Variants in STAB2 observed in about 807,000 individuals in gnomAD.
STAB2 encodes stabilin 2.
In STAB2, 288 loss-of-function variants were observed where a neutral mutation model predicts 338.1. The observed-to-expected ratio is 0.85, with a 90% CI of 0.77 to 0.94. The LOEUF (loss-of-function observed/expected upper bound fraction) is 0.94. STAB2 is among the 40% of genes least tolerant of loss of function. The probability of loss-of-function intolerance (pLI) is 0.00; values close to 1 mark genes in which losing one functional copy is unlikely to be tolerated. For missense variants in STAB2, 3,141 were observed against 3,210.1 expected (o/e 0.98, Z 0.52); for synonymous variants, 1,202 against 1,193.3 (o/e 1.01, Z -0.15).
intron 9 of STAB2, among the ~76,000 whole-genome samples, chr12:103,642,864 C>T (rs761035574): frequency 1.3e-5 from 2 of 152,176 alleles, no homozygotes; most frequent in Non-Finnish European, 2.9e-5. Flanking sequence ...GAGGATATGG[C>T]CAAAAGTGGC....
Position 103,631,679 on chromosome 12 carries a change from C to T in STAB2, c.569C>T (p.Pro190Leu). The change falls in exon 6 of 69, where the codon CCC becomes CTC. Residue 190 changes from proline to leucine, a missense_variant. Coordinates refer to ENST00000388887, the MANE Select transcript of STAB2 (RefSeq NM_017564.10). ...TCECYSAYTGPKCDKPIPECA... is the reference protein window; with the variant it reads ...TCECYSAYTGLKCDKPIPECA... ...GAGTGCTACTCTGCGTACACTGGCC[C>T]CAAGTGTGACAAGCGTAAGTACTGC... 6.2e-7 allele frequency: 1 copy of T among 1,614,098 alleles called. No homozygotes were observed.
chr12:103,602,631 T>C (rs184448501), intron 3 of STAB2, among the ~76,000 whole-genome samples: 52 of 152,362 alleles, frequency 3.4e-4, no homozygotes, highest in Non-Finnish European at 7.1e-4. Context: ...TTGCTAGCAA[T>C]TGCTATAATC....
Position 103,637,168 on chromosome 12 carries a change from C to T in STAB2, c.641C>T (p.Thr214Ile). The stretch of plus-strand genomic sequence containing the variant: ...GAAAATTCCAGATGTTCGCCTTCCA[C>T]TGAAGATGAAAACAAACTGGAATGC... ...CPENSRCSPS[T>I]EDENKLECKC... is the part of the protein sequence containing the mutation. The change falls in exon 7 of 69, where the codon ACT becomes ATT. Residue 214 changes from threonine to isoleucine, a missense_variant. Coordinates refer to ENST00000388887, the MANE Select transcript of STAB2 (RefSeq NM_017564.10). 1 of 1,612,910 alleles carries T rather than the reference C, an allele frequency of 6.2e-7. No homozygotes were observed. The highest frequency in any genetic ancestry group is 1.1e-5 in the South Asian group (1 of 90,788).
intron 5 of STAB2, among the ~76,000 whole-genome samples, chr12:103,625,832 T>G (rs1371219817): frequency 6.6e-6 from 1 of 152,210 alleles, no homozygotes; most frequent in Non-Finnish European, 1.5e-5. Context: ...TGTGCATGTG[T>G]CTTTATAGCA....
intron 3 of STAB2, among the ~76,000 whole-genome samples, chr12:103,605,642 A>T (rs1957016869): frequency 6.6e-6 from 1 of 151,886 alleles, no homozygotes; most frequent in African/African-American, 2.4e-5. Flanking sequence ...TACTTTGAAA[A>T]TCTCTTATTA....
chr12:103,664,180 G>C (rs1426485159), intron 18 of STAB2, among the ~76,000 whole-genome samples: 1 of 151,300 alleles, frequency 6.6e-6, no homozygotes, highest in African/African-American at 2.4e-5. Flanking sequence ...GTCTCGCTCT[G>C]TTGCCCAGGC....
intron 3 of STAB2, among the ~76,000 whole-genome samples, chr12:103,618,449 A>G (rs1051928227): frequency 3.9e-5 from 6 of 152,194 alleles, no homozygotes; most frequent in African/African-American, 1.4e-4. Flanking sequence ...CACCCAGTCT[A>G]AGACATTTTG....
intron 45 of STAB2, 103 bp from the exon 46 acceptor site, chr12:103,726,013 G>C: frequency 7.5e-7 from 1 of 1,324,806 alleles, no homozygotes; most frequent in Non-Finnish European, 1.1e-6. Context: ...CGGTGTTACA[G>C]ATTTCCAGCT....
intron 11 of STAB2, among the ~76,000 whole-genome samples, chr12:103,650,958 G>T (rs1386525337): frequency 6.6e-6 from 1 of 152,156 alleles, no homozygotes; most frequent in Non-Finnish European, 1.5e-5. Flanking sequence ...CCCACAGGAA[G>T]AATTAAATTA....
At chr12:103,673,832 C>A in intron 22 of STAB2, 75 bp from the exon 23 acceptor site, 1 of 1,491,744 alleles carries the variant, frequency 6.7e-7, no homozygotes, top group Non-Finnish European at 9.1e-7. Flanking sequence ...TGGTCCCTGT[C>A]CTCCAGGGTG....
At position 103,711,479 on chromosome 12, in the gene STAB2, G is replaced by C. The variant is rs760649809; in HGVS notation, c.4297G>C (p.Glu1433Gln). ...RGVHCDNATT[E>Q]DNCNGTCHTS... ...CTGGTTCTCTTTTTCAGCAACCACA[G>C]AAGACAACTGCAATGGGACATGCCA... Residue 1433 changes from glutamate (E) to glutamine (Q), a missense_variant, in exon 40 of 69, where the codon GAA (glutamate) becomes CAA (glutamine). Glu to Gln is a conservative substitution (Grantham distance 29). Transcript: ENST00000388887. 4 of 1,614,118 alleles carry C rather than the reference G, an allele frequency of 2.5e-6. No homozygotes were observed. Among genetic ancestry groups the C allele is most frequent in the Non-Finnish European group, 3.4e-6 (4 of 1,180,006 alleles).
chr12:103,648,784 A>G lies in STAB2; in HGVS notation c.1135A>G (p.Lys379Glu). The change falls in exon 10 of 69, where the codon AAA becomes GAA. Residue 379 changes from lysine to glutamate, a missense_variant. Coordinates refer to ENST00000388887, the MANE Select transcript of STAB2 (RefSeq NM_017564.10). ...LRELNTEPRG[K>E]WQGRLTSFIS... ...AGAATTAAATACTGAACCCAGAGGA[A>G]AATGGCAAGGAAGGCTGACCTCTTT... 1.2e-6 allele frequency: 2 copies of G among 1,614,186 alleles called. No individual in the cohort carries two copies. The highest frequency in any genetic ancestry group is 1.7e-6 in the Non-Finnish European group (2 of 1,180,004).
At chr12:103,710,766 G>GGACCTCCTGTAT (rs1470991555) in intron 39 of STAB2, among the ~76,000 whole-genome samples, 1 of 152,170 alleles carries the variant, frequency 6.6e-6, no homozygotes, top group East Asian at 1.9e-4. Context: ...CTCTGTTTCA[G>GGACCTCCTGTAT]GACCTCCTGT....
Position 103,711,558 on chromosome 12 carries a change from ATTT to A in STAB2, c.4334+46_4334+48del, listed in dbSNP as rs535254812. The A allele has an allele frequency of 3.7e-6, 6 of 1,607,490 alleles. No homozygotes were observed. The African/African-American group carries it at 8.1e-5, about 22-fold the overall frequency. ...CACCTCTGGGGACAGTGTAAAGGGG[ATTT>A]TTTCCCAATATTGTCTACCCTAGTC... On this transcript the variant is annotated intron_variant, in intron 40 of 68. Transcript: ENST00000388887.
chr12:103,721,806 G>A (rs1307465341), intron 44 of STAB2, among the ~76,000 whole-genome samples: 1 of 152,182 alleles, frequency 6.6e-6, no homozygotes, highest in Non-Finnish European at 1.5e-5. Context: ...CTTGGAGAGA[G>A]AGGGAGATAA....
intron 6 of STAB2, among the ~76,000 whole-genome samples, chr12:103,636,230 A>ATGT (rs1957545965): frequency 7.8e-6 from 1 of 127,578 alleles, no homozygotes; most frequent in Non-Finnish European, 1.6e-5. Flanking sequence ...CCGGTGTGTG[A>ATGT]TGTTCCCCTT....
intron 57 of STAB2, 127 bp from the exon 58 acceptor site, chr12:103,746,470 C>A: frequency 1.3e-6 from 1 of 774,026 alleles, no homozygotes; most frequent in Non-Finnish European, 2.2e-6. Flanking sequence ...ATCACCCCAT[C>A]TTCCTGCTGT....
intron 39 of STAB2, among the ~76,000 whole-genome samples, chr12:103,709,381 T>G (rs562537012): frequency 6.6e-6 from 1 of 152,298 alleles, no homozygotes; most frequent in South Asian, 2.1e-4. Flanking sequence ...GTTGGACTTC[T>G]CACTAAAGGC....
At chr12:103,676,143 C>G in intron 24 of STAB2, 122 bp downstream of exon 24, 2 of 588,548 alleles carry the variant, frequency 3.4e-6, no homozygotes, top group Non-Finnish European at 5.4e-6. Context: ...CTCACTGCAA[C>G]ATCCGCCTCC....
Sources: allele counts gnomAD v4.1 joint callset (sites outside exome capture counted in the v4.1 genomes callset), GRCh38; gene constraint gnomAD v4.1.1; transcripts MANE v1.5; gene names NCBI Gene and HGNC (gene_info 2026-07-23, HGNC 2026-07-21).